ZBED6: variants seen among roughly 807,000 people sequenced by gnomAD.
ZBED6 encodes zinc finger BED domain-containing protein 6.
In ZBED6, 40 loss-of-function variants were observed where a neutral mutation model predicts 58.4. The observed-to-expected ratio is 0.68, with a 90% CI of 0.53 to 0.89. ZBED6 has a LOEUF of 0.89. Ranked by LOEUF, ZBED6 falls within the 40% of genes least tolerant of loss-of-function variation. The pLI, the probability that ZBED6 is intolerant of heterozygous loss-of-function variation, is 0.00. For synonymous variants in ZBED6, 439 were observed against 350.6 expected (o/e 1.25, Z -2.82); for missense variants, 1,057 against 1,003.9 (o/e 1.05, Z -0.71).
intron 1 of ZBED6, among the ~76,000 whole-genome samples, chr1:203,812,050 C>T (rs1674657631): frequency 1.3e-5 from 2 of 152,100 alleles, no homozygotes; most frequent in Admixed American, 1.3e-4. Context: ...CTACTGACCT[C>T]AAGTGATCCA....
At position 203,824,217 on chromosome 1, in the gene ZBED6, G is replaced by A. The variant is rs1171241187; in HGVS notation, c.*2874-4082G>A. 4.0e-5 allele frequency among the ~76,000 whole-genome samples: 6 copies of A among 148,500 alleles called. No individual in the cohort carries two copies. The South Asian group carries it at 1.3e-3, about 31-fold the overall frequency. The stretch of plus-strand genomic sequence containing the variant: ...TGGGAGGTGGAGATTGCAGTGAGCC[G>A]AGATTACACCACTGTACTCCAGCCT... On this transcript the variant is annotated intron_variant, in intron 3 of 16. Coordinates refer to ENST00000550078, the Ensembl canonical transcript of ZBED6.
At chr1:203,832,773 C>T (rs1398481368) in intron 8 of ZBED6, among the ~76,000 whole-genome samples, 1 of 152,222 alleles carries the variant, frequency 6.6e-6, no homozygotes, top group Non-Finnish European at 1.5e-5. Flanking sequence ...AAAGAGAGCT[C>T]ACTTCTTCCT....
intron 3 of ZBED6, among the ~76,000 whole-genome samples, chr1:203,819,142 G>A (rs1677459242): frequency 6.9e-6 from 1 of 145,560 alleles, no homozygotes; most frequent in Admixed American, 6.8e-5. Flanking sequence ...ATATGTATAT[G>A]TGTGTATATA....
At position 203,818,301 on chromosome 1, in the gene ZBED6, C is replaced by G. The variant is rs75408824; in HGVS notation, c.*2754-269C>G. On this transcript the variant is annotated intron_variant, in intron 2 of 16. Transcript: ENST00000550078. ...CTGTAAAATACATTTTTAAAGAGGA[C>G]CTAACACTCCTACTTGTCTTTTTCA... is the stretch of plus-strand genomic sequence containing the variant. Among the ~76,000 whole-genome samples, 1,384 of 149,772 alleles carry G rather than the reference C, an allele frequency of 9.2e-3. 22 individuals carry two copies. Among genetic ancestry groups the G allele is most frequent in the African/African-American group, 0.032 (1,312 of 41,410 alleles).
chr1:203,848,262 G>A, intron 12 of ZBED6, 69 bp from the exon 13 acceptor site: 2 of 1,320,536 alleles, frequency 1.5e-6, no homozygotes, highest in Non-Finnish European at 2.1e-6. Context: ...ATAAAGTTTT[G>A]TTTAACATAT....
At chr1:203,803,693 A>T (rs993955820) in intron 1 of ZBED6, among the ~76,000 whole-genome samples, 9 of 151,816 alleles carry the variant, frequency 5.9e-5, no homozygotes, top group African/African-American at 1.9e-4. Context: ...GCAACGTCAA[A>T]CCCCTGGGCT....
At chr1:203,806,019 T>C in intron 1 of ZBED6, 1 of 547,928 alleles carries the variant, frequency 1.8e-6, no homozygotes, top group East Asian at 4.4e-5. Flanking sequence ...TGAATGACTC[T>C]TGGGTGCGAT....
intron 16 of ZBED6, among the ~76,000 whole-genome samples, chr1:203,851,787 G>A (rs1189307150): frequency 6.6e-6 from 1 of 151,238 alleles, no homozygotes; most frequent in East Asian, 2.0e-4. Flanking sequence ...ACATAGTGAG[G>A]TCTTGTCTCT....
chr1:203,830,142 A>G, exon 7 of ZBED6: 2 of 1,597,118 alleles, frequency 1.3e-6, no homozygotes, highest in Non-Finnish European at 1.7e-6. Flanking sequence ...TGAATTTTGG[A>G]ATAAAAACTC....
chr1:203,840,461 T>G, intron 11 of ZBED6, 87 bp downstream of exon 11: 1 of 1,350,380 alleles, frequency 7.4e-7, no homozygotes, highest in South Asian at 1.3e-5. Context: ...TGTTGCTTGC[T>G]AGGGCTTTTG....
At chr1:203,824,147 A>G (rs894252400) in intron 3 of ZBED6, among the ~76,000 whole-genome samples, 7 of 152,004 alleles carry the variant, frequency 4.6e-5, no homozygotes, top group Admixed American at 1.3e-4. Context: ...GCAGCCATGT[A>G]GTCCCAGCTA....
At position 203,829,921 on chromosome 1, in the gene ZBED6, T is replaced by C. The variant is rs756604752; in HGVS notation, c.*3318+25T>C. ...GGTAAGAAGAGGCTAGATTGGTGCC[T>C]CTTATAGCACTGTTGAAACTACCTT... is the stretch of plus-strand genomic sequence containing the variant. On this transcript the variant is annotated intron_variant, in intron 6 of 16. Coordinates refer to ENST00000550078, the Ensembl canonical transcript of ZBED6. 4.4e-6 allele frequency: 7 copies of C among 1,591,972 alleles called. No individual in the cohort carries two copies. In the South Asian group the frequency reaches 6.6e-5, roughly 15 times the overall value.
chr1:203,813,587 C>G (rs1163163816), intron 1 of ZBED6, among the ~76,000 whole-genome samples: 1 of 152,056 alleles, frequency 6.6e-6, no homozygotes, highest in Non-Finnish European at 1.5e-5. Flanking sequence ...GTATTAGTTC[C>G]TAGGACTTCC....
At chr1:203,816,523 G>A (rs576283895) in intron 1 of ZBED6, among the ~76,000 whole-genome samples, 1 of 152,150 alleles carries the variant, frequency 6.6e-6, no homozygotes, top group South Asian at 2.1e-4. Context: ...TGGATACTTG[G>A]GGGAGGCTGA....
chr1:203,832,384 G>A (rs896910383), intron 8 of ZBED6, among the ~76,000 whole-genome samples: 1 of 150,266 alleles, frequency 6.7e-6, no homozygotes, highest in African/African-American at 2.5e-5. Context: ...TTTTTTAGAT[G>A]GAGTCTTGCT....
chr1:203,799,018 C>G (rs1291201428), exon 1 of ZBED6: 2 of 1,535,996 alleles, frequency 1.3e-6, no homozygotes, highest in African/African-American at 2.7e-5. Context: ...TTTATTGTGA[C>G]TGTACACTGG....
intron 9 of ZBED6, chr1:203,834,185 G>C: frequency 1.6e-6 from 1 of 619,146 alleles, no homozygotes; most frequent in Non-Finnish European, 2.1e-6. Context: ...TATAATGTGT[G>C]TCTCTTAGAA....
chr1:203,797,716 AGAAG>A lies in ZBED6; in HGVS notation c.196_199del (p.Lys66ValfsTer13). On this transcript the variant is annotated frameshift_variant, in exon 1 of 17. Transcript: ENST00000550078. LOFTEE classifies it high-confidence loss of function. ...AAACAGCCTGCTAAAAAGAAAAGAAAGAAGGGTTTGCGAATTAAGGGGAAAAGGC... is the reference window on the plus strand; with the variant it reads ...AAACAGCCTGCTAAAAAGAAAAGAAAGGTTTGCGAATTAAGGGGAAAAGGC... 1 of 1,535,256 alleles carries A rather than the reference AGAAG, an allele frequency of 6.5e-7. No individual in the cohort carries two copies. Among genetic ancestry groups the A allele is most frequent in the Non-Finnish European group, 8.7e-7 (1 of 1,146,732 alleles).
At chr1:203,840,060 T>C (rs1385466859) in intron 10 of ZBED6, among the ~76,000 whole-genome samples, 1 of 147,730 alleles carries the variant, frequency 6.8e-6, no homozygotes, top group East Asian at 1.9e-4. Flanking sequence ...CACCTCAGCC[T>C]CCCAAAGTGC....
Sources: allele counts gnomAD v4.1 joint callset (sites outside exome capture counted in the v4.1 genomes callset), GRCh38; gene constraint gnomAD v4.1.1; transcripts MANE v1.5; gene names NCBI Gene and HGNC (gene_info 2026-07-23, HGNC 2026-07-21).